Variants in INPPL1 observed in about 807,000 individuals in gnomAD.
INPPL1 encodes the protein phosphatidylinositol 3,4,5-trisphosphate 5-phosphatase 2.
A neutral mutation model predicts 139.3 loss-of-function variants in INPPL1; 91 were observed. The ratio of observed to expected loss-of-function variants is 0.65; its 90% CI spans 0.55 to 0.78. The LOEUF is 0.78. INPPL1 is among the 30% of genes least tolerant of loss of function. INPPL1 has a pLI of 0.00. For synonymous variants in INPPL1, 719 were observed against 686.6 expected (o/e 1.05, Z -0.74); for missense variants, 1,411 against 1,665.6 (o/e 0.85, Z 2.66).
In INPPL1 at chr11:72,237,728, T is replaced by C; in HGVS notation, c.3484T>C (p.Tyr1162His). The C allele has an allele frequency of 6.2e-7, 1 of 1,611,794 alleles. No homozygotes were observed. Among genetic ancestry groups the C allele is most frequent in the Non-Finnish European group, 8.5e-7 (1 of 1,179,508 alleles). ...GCCCCCCCGGGGACTGCCCTCGGACTATGGCCGGCCCCTCAGCTTCCCTCC... is the reference window on the plus strand; with the variant it reads ...GCCCCCCCGGGGACTGCCCTCGGACCATGGCCGGCCCCTCAGCTTCCCTCC... The part of the protein sequence containing the change: ...LQPPRGLPSD[Y>H]GRPLSFPPPR... Residue 1162 changes from tyrosine (Y) to histidine (H), a missense_variant, in exon 26 of 28, where the codon TAT becomes CAT. By Grantham distance (83) the Tyr-to-His change is moderately conservative. Transcript: ENST00000298229.
At chr11:72,227,988 G>GCC in intron 1 of INPPL1, 4 of 429,148 alleles carry the variant, frequency 9.3e-6, no homozygotes, top group South Asian at 5.4e-5. Flanking sequence ...GGGGTGTTCT[G>GCC]GTCATTCCTG....
intron 19 of INPPL1, among the ~76,000 whole-genome samples, 195 bp downstream of exon 19, chr11:72,233,939 AGT>A (rs919701381): frequency 4.6e-5 from 7 of 152,024 alleles, no homozygotes; most frequent in South Asian, 2.1e-4. Context: ...TGTGCCCATG[AGT>A]GTGTGTGCAT....
At chr11:72,237,042 G>A (rs900098329) in intron 25 of INPPL1, 82 bp from the exon 26 acceptor site, 30 of 1,308,880 alleles carry the variant, frequency 2.3e-5, no homozygotes, top group Admixed American at 4.5e-5. Context: ...TCTGACTCCC[G>A]TCTAGTTCTC....
At position 72,228,294 on chromosome 11, in the gene INPPL1, T is replaced by G. The variant is rs183522478; in HGVS notation, c.246+41T>G. 9.3e-6 allele frequency: 15 copies of G among 1,614,032 alleles called. No individual in the cohort carries two copies. In the Admixed American group the frequency reaches 2.0e-4, roughly 22 times the overall value. On this transcript the variant is annotated intron_variant, in intron 2 of 27. Transcript: ENST00000298229. This position sits in a 1 kb window ranked among gnomAD's most constrained non-coding sequence, Gnocchi z 5.0. ...CCTGACCCCTGACCTTGATCCAGCC[T>G]AGGGCTTGGGGACCTGCTGGCTGAC...
chr11:72,237,553 C>G lies in INPPL1; in HGVS notation c.3309C>G (p.Pro1103=). The G allele has an allele frequency of 6.2e-7, 1 of 1,600,516 alleles. No homozygotes were observed. The highest frequency in any genetic ancestry group is 1.7e-5 in the Admixed American group (1 of 59,342). ...CAAGGCCTCCACTGCCCCCAGGCCC[C>G]TCACCAGCCAGCACTTTCCTGGGGG... The part of the protein sequence containing the change: ...AHPRPPLPPG[P]SPASTFLGEV... Residue 1103 remains proline (P), a synonymous_variant, in exon 26 of 28, where the codon CCC becomes CCG. Transcript: ENST00000298229.
At chr11:72,232,535 CT>C in intron 14 of INPPL1, 90 bp from the exon 15 acceptor site, 1 of 1,497,400 alleles carries the variant, frequency 6.7e-7, no homozygotes, top group South Asian at 1.2e-5. Context: ...CCATCCCTGA[CT>C]CCTGAGACTT....
At position 72,238,458 on chromosome 11, in the gene INPPL1, CTGCCTATTTATTGGGG is replaced by C. The variant is rs577010878; in HGVS notation, c.*122_*137del. 5.9e-3 allele frequency: 5,296 copies of C among 900,586 alleles called. 35 individuals carry two copies. Among genetic ancestry groups the C allele is most frequent in the South Asian group, 0.011 (505 of 46,832 alleles). The allele number at this position is 900,586 out of a possible 1,614,324, so 55.8% of individuals were successfully genotyped here. On this transcript the variant is annotated 3_prime_UTR_variant, in exon 28 of 28. Transcript: ENST00000298229. ...TTATGAGGGTCAGGGCAGTATCTCT[CTGCCTATTTATTGGGG>C]TGCCTATTTATTGGGGATCTGCATT...
chr11:72,230,555 A>G (rs1213169180), intron 10 of INPPL1, 87 bp downstream of exon 10: 2 of 1,278,852 alleles, frequency 1.6e-6, no homozygotes, highest in Non-Finnish European at 2.3e-6. Context: ...AAGGGAACAC[A>G]TGATGTAGGC....
chr11:72,224,272 C>G (rs1313310871), upstream of INPPL1, among the ~76,000 whole-genome samples: 1 of 149,302 alleles, frequency 6.7e-6, no homozygotes, highest in South Asian at 2.1e-4. Context: ...GGGTTCAGAT[C>G]TAAGAGGGGG....
intron 13 of INPPL1, 111 bp downstream of exon 13, chr11:72,231,726 T>C (rs2135431000): frequency 2.6e-6 from 2 of 763,730 alleles, no homozygotes; most frequent in South Asian, 1.5e-5. Context: ...TTTCCCCATA[T>C]ATAGGGTACT....
rs1217717260 is a variant in INPPL1, at chr11:72,232,398, C to T, written c.1712+62C>T. On this transcript the variant is annotated intron_variant, in intron 14 of 27. Transcript: ENST00000298229. ...ATCCCATTCACCTGAGGCCTGTTCC[C>T]GCTCCCATACCCTAGCCCATGACCC... The T allele has an allele frequency of 1.2e-5, 17 of 1,430,636 alleles. No homozygotes were observed. The East Asian group carries it at 1.5e-4, about 13-fold the overall frequency. 88.6% of individuals were successfully genotyped at this position (1,430,636 alleles called of 1,614,324 possible).
intron 12 of INPPL1, 90 bp downstream of exon 12, chr11:72,231,279 A>C: frequency 1.6e-6 from 2 of 1,278,438 alleles, no homozygotes; most frequent in South Asian, 2.7e-5. Flanking sequence ...CTGGGAGCAC[A>C]GCTTCACTGG....
In INPPL1 at chr11:72,228,600, TC is replaced by T. The variant is rs1335654302; in HGVS notation, c.397+105del. The T allele has an allele frequency of 7.8e-6, 12 of 1,542,898 alleles. No homozygotes were observed. In the Admixed American group the frequency reaches 2.1e-4, roughly 27 times the overall value. On this transcript the variant is annotated intron_variant, in intron 3 of 27. Coordinates refer to ENST00000298229, the MANE Select transcript of INPPL1 (RefSeq NM_001567.4). This position sits in a 1 kb window ranked among gnomAD's most constrained non-coding sequence, Gnocchi z 5.0. ...ACCCCACCTCTCCTGTAACCCCCTT[TC>T]CCTTGGCCATGATGCCGGGGCCCTT...
In INPPL1 at chr11:72,234,167, C is replaced by A; in HGVS notation, c.2213-114C>A. On this transcript the variant is annotated intron_variant, in intron 19 of 27. Coordinates refer to ENST00000298229, the MANE Select transcript of INPPL1 (RefSeq NM_001567.4). This position sits in a 1 kb window ranked among gnomAD's most constrained non-coding sequence, Gnocchi z 4.2. ...TTGGGACTGGGGAGGCCCCTCCTGGCCCTGCCTCCTTGCTCTGGACCCCTG... is the reference window on the plus strand; with the variant it reads ...TTGGGACTGGGGAGGCCCCTCCTGGACCTGCCTCCTTGCTCTGGACCCCTG... 1 of 785,060 alleles carries A rather than the reference C, an allele frequency of 1.3e-6. No individual in the cohort carries two copies. Among genetic ancestry groups the A allele is most frequent in the South Asian group, 1.6e-5 (1 of 63,484 alleles). 48.6% of individuals were successfully genotyped at this position (785,060 alleles called of 1,614,324 possible).
chr11:72,223,718 C>G (rs1948580874), upstream of INPPL1: 1 of 151,870 alleles, frequency 6.6e-6, no homozygotes, highest in Non-Finnish European at 1.5e-5. Context: ...TTTTCCAGAG[C>G]GGGAAGCCGA....
rs1267750675 is a variant in INPPL1, at chr11:72,234,924, C to T, written c.2416-192C>T. ...AGAAAATTAATTAGTTACAGTGATG[C>T]TAGGTGCTGTAAAAGGCCTGTATAG... On this transcript the variant is annotated intron_variant, in intron 21 of 27. Transcript: ENST00000298229. This position sits in a 1 kb window ranked among gnomAD's most constrained non-coding sequence, Gnocchi z 4.2. 6.6e-6 allele frequency among the ~76,000 whole-genome samples: 1 copy of T among 152,082 alleles called. No homozygotes were observed. Among genetic ancestry groups the T allele is most frequent in the African/African-American group, 2.4e-5 (1 of 41,390 alleles).
rs1948811255 is a variant in INPPL1 at position 72,230,798 on chromosome 11, G to A, written c.1200G>A (p.Lys400=). The A allele has an allele frequency of 6.2e-7, 1 of 1,613,732 alleles. No homozygotes were observed. The highest frequency in any genetic ancestry group is 1.7e-5 in the Admixed American group (1 of 59,978). ...RKDFIFVSAR[K]REAFCQLLQL... ...CTGAGTGGCTGCTGTTCCCCCAGAA[G>A]CGGGAGGCCTTCTGCCAGCTGTTGC... The change falls in exon 11 of 28, where the codon AAG becomes AAA. Residue 400 remains lysine (K), a splice_region_variant and synonymous_variant. Transcript: ENST00000298229.
intron 13 of INPPL1, 30 bp from the exon 14 acceptor site, chr11:72,232,210 C>A: frequency 6.6e-7 from 1 of 1,505,334 alleles, no homozygotes; most frequent in Non-Finnish European, 9.1e-7. Flanking sequence ...GAGGATGACC[C>A]AGGCCTTCCT....
chr11:72,233,758 A>C lies in INPPL1; in HGVS notation c.2212+14A>C. On this transcript the variant is annotated intron_variant, in intron 19 of 27. Transcript: ENST00000298229. ...TCTCCAAGAAAGGTGACTGTTCCAG[A>C]TATGCTTGTGGGTGTGGCATAATCT... 6.2e-7 allele frequency: 1 copy of C among 1,609,818 alleles called. No homozygotes were observed. Among genetic ancestry groups the C allele is most frequent in the Non-Finnish European group, 8.5e-7 (1 of 1,176,084 alleles).
Sources: allele counts gnomAD v4.1 joint callset (sites outside exome capture counted in the v4.1 genomes callset), GRCh38; gene constraint gnomAD v4.1.1; non-coding constraint Gnocchi (gnomAD v3.1); transcripts MANE v1.5; gene names NCBI Gene and HGNC (gene_info 2026-07-23, HGNC 2026-07-21).